PRKDC: variants seen among roughly 807,000 people sequenced by gnomAD.
PRKDC encodes protein kinase, DNA-activated, catalytic subunit.
PRKDC carries 82 observed loss-of-function variants against 486.9 expected under a neutral mutation model. That is an observed-to-expected ratio of 0.17 (90% CI 0.14 to 0.20). The LOEUF (loss-of-function observed/expected upper bound fraction) is 0.20, where lower values mean the gene tolerates loss of function less well. Ranked by LOEUF, PRKDC falls within the 10% of genes least tolerant of loss-of-function variation. The pLI is 1.00. For synonymous variants in PRKDC, 1,895 were observed against 1,837.0 expected (o/e 1.03, Z -0.81); for missense variants, 4,504 against 5,038.2 (o/e 0.89, Z 3.21).
intron 21 of PRKDC, chr8:47,926,882 GT>G: frequency 3.5e-5 from 7 of 199,160 alleles, no homozygotes; most frequent in East Asian, 1.1e-4. Flanking sequence ...TATTCAACAA[GT>G]TTTTTTTGCA....
intron 57 of PRKDC, 23 bp from the exon 58 acceptor site, chr8:47,836,550 T>C (rs2154499726): frequency 6.5e-7 from 1 of 1,543,496 alleles, no homozygotes; most frequent in Non-Finnish European, 8.8e-7. Flanking sequence ...AAGTTTCAAA[T>C]GAAATAAAGT....
At chr8:47,801,428 C>T (rs1442177445) in intron 70 of PRKDC, among the ~76,000 whole-genome samples, 1 of 152,142 alleles carries the variant, frequency 6.6e-6, no homozygotes, top group Admixed American at 6.5e-5. Flanking sequence ...GTATAAGAAA[C>T]TGACTTCAAA....
At chr8:47,955,189 G>A (rs1298496418) in intron 4 of PRKDC, among the ~76,000 whole-genome samples, 3 of 147,296 alleles carry the variant, frequency 2.0e-5, no homozygotes, top group Admixed American at 6.8e-5. Context: ...TGGGCCGGGC[G>A]CGGTGGCTCA....
At chr8:47,886,493 C>T (rs112288681) in intron 35 of PRKDC, among the ~76,000 whole-genome samples, 3 of 151,400 alleles carry the variant, frequency 2.0e-5, no homozygotes, top group African/African-American at 7.3e-5. Flanking sequence ...TAGGTTCAAG[C>T]AATTCTCCGG....
At chr8:47,777,039 C>T (rs894831845) in intron 84 of PRKDC, 56 bp from the exon 85 acceptor site, 24 of 1,541,748 alleles carry the variant, frequency 1.6e-5, no homozygotes, top group Non-Finnish European at 2.0e-5. Flanking sequence ...TACAATCATG[C>T]CCAAACAGAT....
At position 47,836,527 on chromosome 8, in the gene PRKDC, C is replaced by G. The variant is rs771824640; in HGVS notation, c.7762G>C (p.Glu2588Gln). 6.3e-7 allele frequency: 1 copy of G among 1,586,098 alleles called. No homozygotes were observed. Among genetic ancestry groups the G allele is most frequent in the South Asian group, 1.1e-5 (1 of 87,166 alleles). ...EHPLSECEFQ[E>Q]YTIDSDWRFR... ...CGCCAATCAGAATCAATGGTATATT[C>G]CTGTACATAAGAAAGTTTCAAATGA... is the stretch of plus-strand genomic sequence containing the variant. The change falls in exon 58 of 86, where the codon GAA (glutamate) becomes CAA (glutamine). Residue 2588 changes from glutamate (E) to glutamine (Q), a missense_variant and splice_region_variant. This residue lies in a region of PRKDC where 1,592 missense variants were observed against 1,724.6 expected (regional missense o/e 0.92). Coordinates refer to ENST00000314191, the MANE Select transcript of PRKDC (RefSeq NM_006904.7).
intron 25 of PRKDC, among the ~76,000 whole-genome samples, chr8:47,907,411 TACACAC>T (rs746467406): frequency 8.7e-5 from 13 of 148,932 alleles, no homozygotes; most frequent in East Asian, 3.9e-4. Context: ...TATATATATA[TACACAC>T]ACACACACAC....
At chr8:47,779,357 CA>C in intron 80 of PRKDC, 1 of 338,160 alleles carries the variant, frequency 3.0e-6, no homozygotes, top group South Asian at 5.5e-5. Flanking sequence ...TCAGATCCAA[CA>C]AATTTCCCAC....
At chr8:47,931,021 A>C (rs1250724913) in intron 16 of PRKDC, among the ~76,000 whole-genome samples, 2 of 152,234 alleles carry the variant, frequency 1.3e-5, no homozygotes, top group East Asian at 1.9e-4. Flanking sequence ...GACAAATAGG[A>C]AAATGCCAGA....
At chr8:47,797,616 A>T (rs1243042091) in intron 73 of PRKDC, among the ~76,000 whole-genome samples, 1 of 152,220 alleles carries the variant, frequency 6.6e-6, no homozygotes, top group Non-Finnish European at 1.5e-5. Flanking sequence ...TCAACTACGA[A>T]GCCTTTCAGA....
At position 47,911,824 on chromosome 8, in the gene PRKDC, C is replaced by T. The variant is rs180918689; in HGVS notation, c.2934+586G>A. 5.9e-5 allele frequency among the ~76,000 whole-genome samples: 9 copies of T among 151,896 alleles called. No homozygotes were observed. In the East Asian group the frequency reaches 1.5e-3, roughly 26 times the overall value. The stretch of plus-strand genomic sequence containing the variant: ...TCACTCTGTCTCCCAAACTAGAGTG[C>T]AGTGGCGTGATCTCAGAGCACTGCA... On this transcript the variant is annotated intron_variant, in intron 25 of 85. Coordinates refer to ENST00000314191, the MANE Select transcript of PRKDC (RefSeq NM_006904.7).
chr8:47,914,165 T>A (rs1195122760), intron 23 of PRKDC, 101 bp from the exon 24 acceptor site: 1 of 1,079,174 alleles, frequency 9.3e-7, no homozygotes, highest in Non-Finnish European at 1.2e-6. Flanking sequence ...CTGTTCTACA[T>A]TCTATTAAAG....
intron 25 of PRKDC, among the ~76,000 whole-genome samples, chr8:47,908,524 A>G (rs1305337493): frequency 6.6e-6 from 1 of 152,232 alleles, no homozygotes; most frequent in African/African-American, 2.4e-5. Flanking sequence ...CTGATTATAG[A>G]AAAGTAATGA....
At chr8:47,798,637 A>G (rs1416851280) in intron 72 of PRKDC, among the ~76,000 whole-genome samples, 2 of 152,208 alleles carry the variant, frequency 1.3e-5, no homozygotes, top group Admixed American at 6.5e-5. Context: ...GGCTGGGAAC[A>G]TAAGGGGCAA....
intron 44 of PRKDC, among the ~76,000 whole-genome samples, chr8:47,861,719 T>C (rs2154500675): frequency 6.6e-6 from 1 of 152,386 alleles, no homozygotes; most frequent in South Asian, 2.1e-4. Context: ...GACTTTTCCA[T>C]GATCCTGCCA....
At chr8:47,926,927 G>A (rs763583135) in intron 21 of PRKDC, 62 of 329,058 alleles carry the variant, frequency 1.9e-4, no homozygotes, top group Non-Finnish European at 2.7e-4. Flanking sequence ...AAATTTCAAG[G>A]TATTGAAGAC....
At position 47,864,568 on chromosome 8, in the gene PRKDC, G is replaced by A. The variant is rs777811841; in HGVS notation, c.5559C>T (p.Ser1853=). The part of the protein sequence containing the change: ...IVVDAIDVLK[S]RFTKLNESTF... ...AGGCGTATGATACCTTTGTAAACCT[G>A]GACTTCAACACATCAATGGCATCCA... Residue 1853 remains serine (S), a synonymous_variant, in exon 41 of 86, where the codon TCC becomes TCT. Coordinates refer to ENST00000314191, the MANE Select transcript of PRKDC (RefSeq NM_006904.7). The A allele has an allele frequency of 6.2e-6, 10 of 1,607,956 alleles. No individual in the cohort carries two copies. In the Admixed American group the frequency reaches 1.7e-4, roughly 27 times the overall value.
intron 80 of PRKDC, among the ~76,000 whole-genome samples, chr8:47,781,745 G>C (rs1563731035): frequency 6.6e-6 from 1 of 152,162 alleles, no homozygotes; most frequent in Non-Finnish European, 1.5e-5. Context: ...AAGTGACACA[G>C]GACAGGTTAC....
rs1199858424 is a variant in PRKDC, at chr8:47,898,795, C to T, written c.3365-226G>A. On this transcript the variant is annotated intron_variant, in intron 28 of 85. Coordinates refer to ENST00000314191, the MANE Select transcript of PRKDC (RefSeq NM_006904.7). ...TTTAAGACTGCAGGATAGCATGGTG[C>T]GTGCACGCACAAACACATGCACACA... Among the ~76,000 whole-genome samples the T allele has an allele frequency of 2.0e-5, 3 of 152,222 alleles. 1 individual carries two copies. The highest frequency in any genetic ancestry group is 2.9e-5 in the Non-Finnish European group (2 of 68,054).
Sources: gnomAD v4.1 joint callset for allele counts (sites outside exome capture counted in the v4.1 genomes callset) on GRCh38, gnomAD v4.1.1 for gene constraint, gnomAD v4.1.1 regional missense constraint, MANE v1.5 for transcripts, NCBI Gene and HGNC (gene_info 2026-07-23, HGNC 2026-07-21) for gene names.